The following SHANK2 variants were observed in gnomAD, a reference collection of about 807,000 sequenced individuals.
SHANK2 encodes the protein SH3 and multiple ankyrin repeat domains 2, also known as SH3 and multiple ankyrin repeat domains protein 2.
SHANK2 carries 43 observed loss-of-function variants against 133.7 expected under a neutral mutation model. That is an observed-to-expected ratio of 0.32 (90% CI 0.25 to 0.41). The LOEUF (loss-of-function observed/expected upper bound fraction) is 0.41, where lower values mean the gene tolerates loss of function less well. SHANK2 is among the 10% of genes least tolerant of loss of function. SHANK2 has a pLI of 1.00. For missense variants in SHANK2, 1,994 were observed against 2,235.8 expected, an observed-to-expected ratio of 0.89 and a Z score of 2.18; for synonymous variants, 1,017 against 952.8, an observed-to-expected ratio of 1.07 and a Z score of -1.24.
intron 3 of SHANK2, among the ~76,000 whole-genome samples, chr11:71,142,520 AC>A (rs200997427): frequency 5.9e-5 from 9 of 152,178 alleles, no homozygotes; most frequent in African/African-American, 2.2e-4. Context: ...AAACAAACAA[AC>A]AAAAAAAAAT....
intron 14 of SHANK2, among the ~76,000 whole-genome samples, chr11:70,775,532 G>A (rs1947344427): frequency 6.6e-6 from 1 of 152,210 alleles, no homozygotes; most frequent in South Asian, 2.1e-4. Context: ...GGTTGCGTCT[G>A]CTGAAGGTGA....
rs540941936 is a variant in SHANK2, at chr11:70,734,681, C to G, written c.1778-35918G>C. Among the ~76,000 whole-genome samples the G allele has an allele frequency of 6.6e-5, 10 of 152,318 alleles. No individual in the cohort carries two copies. The South Asian group carries it at 1.9e-3, about 28-fold the overall frequency. ...CCCTGGCCCAGGCTTTCAGCAGGGGCCCCACAGCCTGTGCCCTGGAGGCCA... is the reference window on the plus strand; with the variant it reads ...CCCTGGCCCAGGCTTTCAGCAGGGGGCCCACAGCCTGTGCCCTGGAGGCCA... On this transcript the variant is annotated intron_variant, in intron 14 of 25. Coordinates refer to ENST00000601538, the MANE Select transcript of SHANK2 (RefSeq NM_012309.5).
intron 2 of SHANK2, among the ~76,000 whole-genome samples, chr11:71,203,507 G>A (rs545246868): frequency 6.6e-6 from 1 of 152,216 alleles, no homozygotes; most frequent in South Asian, 2.1e-4. Context: ...TGGGTCCCCA[G>A]GACAATTGCT....
At chr11:71,249,021 A>AAATAC (rs776730637) in intron 1 of SHANK2, among the ~76,000 whole-genome samples, 22 of 152,164 alleles carry the variant, frequency 1.4e-4, no homozygotes, top group Non-Finnish European at 3.1e-4. Flanking sequence ...GGAAAGAAAC[A>AAATAC]AATACACCCT....
chr11:71,211,166 C>G (rs887189604), intron 2 of SHANK2, among the ~76,000 whole-genome samples: 21 of 151,284 alleles, frequency 1.4e-4, no homozygotes, highest in Non-Finnish European at 2.5e-4. Context: ...CTCAGTCCAG[C>G]ACACTGTGTC....
At chr11:70,621,880 C>T (rs566715074) in intron 17 of SHANK2, among the ~76,000 whole-genome samples, 5 of 152,196 alleles carry the variant, frequency 3.3e-5, no homozygotes, top group South Asian at 2.1e-4. Flanking sequence ...CAGGTGTTGC[C>T]GACAGACATC....
intron 15 of SHANK2, among the ~76,000 whole-genome samples, chr11:70,685,152 G>GA (rs1270378123): frequency 1.3e-5 from 2 of 151,830 alleles, no homozygotes; most frequent in Admixed American, 6.6e-5. Context: ...GAGGCTTGGC[G>GA]AAAAAACCCC....
At chr11:70,766,282 T>C (rs1947122644) in intron 14 of SHANK2, among the ~76,000 whole-genome samples, 1 of 152,240 alleles carries the variant, frequency 6.6e-6, no homozygotes, top group Non-Finnish European at 1.5e-5. Flanking sequence ...AGCCCTCATA[T>C]CAGCTCTGGA....
intron 11 of SHANK2, among the ~76,000 whole-genome samples, chr11:70,855,666 G>A (rs572265125): frequency 6.6e-6 from 1 of 152,376 alleles, no homozygotes; most frequent in African/African-American, 2.4e-5. Context: ...CAGAGAAGCT[G>A]CCTTCCATGG....
At chr11:71,076,454 G>A (rs1951220675) in intron 8 of SHANK2, among the ~76,000 whole-genome samples, 1 of 147,418 alleles carries the variant, frequency 6.8e-6, no homozygotes, top group Non-Finnish European at 1.5e-5. Context: ...TGACAGGGAA[G>A]ATATTGAAAC....
Position 70,500,100 on chromosome 11 carries a change from GC to G in SHANK2, c.2308+469del, listed in dbSNP as rs2135809352. 6.6e-6 allele frequency among the ~76,000 whole-genome samples: 1 copy of G among 152,286 alleles called. No individual in the cohort carries two copies. Among genetic ancestry groups the G allele is most frequent in the African/African-American group, 2.4e-5 (1 of 41,576 alleles). On this transcript the variant is annotated intron_variant, in intron 21 of 25. Coordinates refer to ENST00000601538, the MANE Select transcript of SHANK2 (RefSeq NM_012309.5). The surrounding 1 kb of genome is among the most constrained non-coding windows in gnomAD (Gnocchi z 4.5). ...CACCAGCCCTGGGTGGGGAGGTGTAGCCAAAGGGCTCACACTGCTCCCTTCT... is the reference window on the plus strand; with the variant it reads ...CACCAGCCCTGGGTGGGGAGGTGTAGCAAAGGGCTCACACTGCTCCCTTCT...
intron 17 of SHANK2, among the ~76,000 whole-genome samples, chr11:70,552,979 C>T (rs2059788712): frequency 1.3e-5 from 2 of 152,300 alleles, no homozygotes; most frequent in South Asian, 4.2e-4. Flanking sequence ...TGGCCGCCTT[C>T]CCCCGTGTCC....
intron 2 of SHANK2, among the ~76,000 whole-genome samples, chr11:71,213,890 T>A (rs1247387635): frequency 6.6e-6 from 1 of 152,182 alleles, no homozygotes; most frequent in Non-Finnish European, 1.5e-5. Context: ...AGCTGGCTAG[T>A]TCCCAAAGAC....
At chr11:70,695,646 CA>C (rs1392009092) in intron 15 of SHANK2, among the ~76,000 whole-genome samples, 1 of 152,230 alleles carries the variant, frequency 6.6e-6, no homozygotes, top group Non-Finnish European at 1.5e-5. Context: ...GCCGCATACT[CA>C]GGCTCAGATG....
chr11:71,100,862 G>A (rs1311052758), intron 6 of SHANK2, among the ~76,000 whole-genome samples: 1 of 125,398 alleles, frequency 8.0e-6, no homozygotes, highest in African/African-American at 3.2e-5. Flanking sequence ...GCAAGACTCC[G>A]TCTCAAAAAA....
Position 70,524,893 on chromosome 11 carries a change from C to T in SHANK2, c.2062-21962G>A, listed in dbSNP as rs140560735. Among the ~76,000 whole-genome samples, 755 of 152,370 alleles carry T rather than the reference C, an allele frequency of 5.0e-3. 2 individuals carry two copies. Among genetic ancestry groups the T allele is most frequent in the Admixed American group, 9.1e-3 (140 of 15,308 alleles). ...ACACATGGACACATACATGCTCACA[C>T]GCACACAGGCACGAGGCTTGGCAGG... On this transcript the variant is annotated intron_variant, in intron 17 of 25. Coordinates refer to ENST00000601538, the MANE Select transcript of SHANK2 (RefSeq NM_012309.5).
At chr11:71,128,308 C>T (rs1952229938) in intron 3 of SHANK2, among the ~76,000 whole-genome samples, 3 of 152,200 alleles carry the variant, frequency 2.0e-5, no homozygotes, top group Admixed American at 2.0e-4. Context: ...CTGTGATGTC[C>T]AGATCCTTCC....
At chr11:71,148,461 C>T (rs1952699296) in intron 2 of SHANK2, among the ~76,000 whole-genome samples, 1 of 152,214 alleles carries the variant, frequency 6.6e-6, no homozygotes, top group African/African-American at 2.4e-5. Flanking sequence ...ATGACATCCC[C>T]CACCTCTGCA....
chr11:70,575,785 G>A (rs1346187610), intron 17 of SHANK2, among the ~76,000 whole-genome samples: 3 of 151,576 alleles, frequency 2.0e-5, no homozygotes, highest in Non-Finnish European at 2.9e-5. Flanking sequence ...CATAGCCCCC[G>A]CCCGTGGTGG....
Sources: allele counts gnomAD v4.1 joint callset (sites outside exome capture counted in the v4.1 genomes callset), GRCh38; gene constraint gnomAD v4.1.1; non-coding constraint Gnocchi (gnomAD v3.1); transcripts MANE v1.5; gene names NCBI Gene and HGNC (gene_info 2026-07-23, HGNC 2026-07-21).